The following ABCC4 variants were observed in gnomAD, a reference collection of about 807,000 sequenced individuals.
ABCC4 encodes the protein ATP binding cassette subfamily C member 4 (PEL blood group), also known as ATP-binding cassette sub-family C member 4.
In ABCC4, 102 loss-of-function variants were observed where a neutral mutation model predicts 168.5. The ratio of observed to expected loss-of-function variants is 0.61; its 90% confidence interval spans 0.52 to 0.71. The LOEUF (loss-of-function observed/expected upper bound fraction) is 0.71. Ranked by LOEUF, ABCC4 falls within the 30% of genes least tolerant of loss-of-function variation. The pLI is 0.00. For missense variants in ABCC4, 1,402 were observed against 1,605.8 expected, an observed-to-expected ratio of 0.87 and a Z score of 2.17; for synonymous variants, 617 against 590.7, an observed-to-expected ratio of 1.04 and a Z score of -0.65.
chr13:95,100,037 G>C (rs186321815), intron 20 of ABCC4, among the ~76,000 whole-genome samples: 80 of 152,256 alleles, frequency 5.3e-4, no homozygotes, highest in African/African-American at 1.8e-3. Context: ...AATCAATCAA[G>C]AATAGCATAG....
chr13:95,169,328 T>C (rs1360487445), intron 14 of ABCC4, among the ~76,000 whole-genome samples: 1 of 152,210 alleles, frequency 6.6e-6, no homozygotes, highest in East Asian at 1.9e-4. Context: ...AAATTACTTC[T>C]GCTGTAGCTC....
Position 95,301,138 on chromosome 13 carries a change from C to A in ABCC4, c.74+103G>T, listed in dbSNP as rs1233462369. The A allele has an allele frequency of 1.1e-5, 13 of 1,142,838 alleles. No individual in the cohort carries two copies. In the Admixed American group the frequency reaches 2.4e-4, roughly 21 times the overall value. 70.8% of individuals were successfully genotyped at this position (1,142,838 alleles called of 1,614,324 possible). A position where few individuals can be genotyped will look rare whatever the true frequency, so the allele number is the denominator to read the frequency against. On this transcript the variant is annotated intron_variant, in intron 1 of 30. Coordinates refer to ENST00000645237, the MANE Select transcript of ABCC4 (RefSeq NM_005845.5). The stretch of plus-strand genomic sequence containing the variant: ...TGGCGTAGGAAAGCGCTCCCCTCGC[C>A]CCCAGCCGCAGAGGGCTTGGGCAGC...
rs750572028 is a variant in ABCC4 at position 95,166,256 on chromosome 13, T to C, written c.1936A>G (p.Thr646Ala). 12 of 1,613,892 alleles carry C rather than the reference T, an allele frequency of 7.4e-6. No individual in the cohort carries two copies. The South Asian group carries it at 1.2e-4, about 16-fold the overall frequency. The change falls in exon 15 of 31, where the codon ACT (threonine) becomes GCT (alanine). Residue 646 changes from threonine (T) to alanine (A), a missense_variant. By Grantham distance (58) the Thr-to-Ala change is moderately conservative (BLOSUM62 0). Coordinates refer to ENST00000645237, the MANE Select transcript of ABCC4 (RefSeq NM_005845.5). Reference sequence around the variant, plus strand: ...AAGGTACGATTCCTTAGTGTGGGAGTTCCTGGAACTGGAGGTTGTTCACTT... The same window carrying C: ...AAGGTACGATTCCTTAGTGTGGGAGCTCCTGGAACTGGAGGTTGTTCACTT... ...EESEQPPVPG[T>A]PTLRNRTFSE...
chr13:95,295,773 G>A (rs556058337), intron 1 of ABCC4, among the ~76,000 whole-genome samples: 3 of 151,978 alleles, frequency 2.0e-5, no homozygotes, highest in East Asian at 1.9e-4. Context: ...GACCAGCCTG[G>A]CCAACATACT....
At chr13:95,028,582 A>T (rs1343637979) in intron 30 of ABCC4, among the ~76,000 whole-genome samples, 1 of 152,214 alleles carries the variant, frequency 6.6e-6, no homozygotes, top group African/African-American at 2.4e-5. Flanking sequence ...GAGTGAAAGC[A>T]CTACATATCA....
At chr13:95,295,906 G>T (rs1321195315) in intron 1 of ABCC4, among the ~76,000 whole-genome samples, 1 of 149,116 alleles carries the variant, frequency 6.7e-6, no homozygotes, top group Non-Finnish European at 1.5e-5. Flanking sequence ...GGCAGAGGTT[G>T]CAGTGAGCTG....
intron 19 of ABCC4, among the ~76,000 whole-genome samples, chr13:95,131,535 A>G (rs527253331): frequency 3.3e-5 from 5 of 152,214 alleles, no homozygotes; most frequent in Non-Finnish European, 5.9e-5. Context: ...AGGCTGAGGC[A>G]GAAGAATTGC....
chr13:95,260,508 A>ATAGTCG (rs1415621999), intron 1 of ABCC4, among the ~76,000 whole-genome samples: 1 of 152,148 alleles, frequency 6.6e-6, no homozygotes, highest in Admixed American at 6.5e-5. Context: ...GGGTATAGTC[A>ATAGTCG]GGTACCTGGG....
chr13:95,265,846 T>C (rs983890607), intron 1 of ABCC4, among the ~76,000 whole-genome samples: 9 of 151,896 alleles, frequency 5.9e-5, no homozygotes, highest in Admixed American at 5.2e-4. Context: ...GAAAATTAAA[T>C]ATGCTTACCC....
At chr13:95,212,580 C>G (rs77431831) in intron 4 of ABCC4, among the ~76,000 whole-genome samples, 2 of 152,164 alleles carry the variant, frequency 1.3e-5, no homozygotes, top group Non-Finnish European at 2.9e-5. Flanking sequence ...TTAGGTAAGA[C>G]AGCACAGATG....
At chr13:95,125,070 G>C (rs1200486768) in intron 19 of ABCC4, among the ~76,000 whole-genome samples, 1 of 151,916 alleles carries the variant, frequency 6.6e-6, no homozygotes, top group Non-Finnish European at 1.5e-5. Context: ...CTATGACACA[G>C]ATACTGTTCC....
chr13:95,281,284 C>T (rs969918331), intron 1 of ABCC4, among the ~76,000 whole-genome samples: 2 of 105,734 alleles, frequency 1.9e-5, no homozygotes, highest in African/African-American at 3.9e-5. Context: ...CACTCCTGGG[C>T]GACAGAGACT....
intron 19 of ABCC4, among the ~76,000 whole-genome samples, chr13:95,131,445 T>A (rs1257572868): frequency 2.0e-5 from 3 of 152,052 alleles, no homozygotes; most frequent in Admixed American, 2.0e-4. Flanking sequence ...CTGGCCAACA[T>A]GGTGAAACCC....
rs1421226121 is a variant in ABCC4, at chr13:95,071,794, T to C, written c.3078A>G (p.Glu1026=). Residue 1026 remains glutamate, a synonymous_variant, in exon 25 of 31, where the codon GAA becomes GAG. Coordinates refer to ENST00000645237, the MANE Select transcript of ABCC4 (RefSeq NM_005845.5). The part of the protein sequence containing the change: ...YTDLEKEAPW[E]YQKRPPPAWP... ...AGGCTGGTGGTGGGCGTTTCTGATA[T>C]TCCCAAGGTGCTTCTTTTTCAAGGT... is the stretch of plus-strand genomic sequence containing the variant. 1.9e-6 allele frequency: 3 copies of C among 1,604,786 alleles called. No individual in the cohort carries two copies.
At chr13:95,095,908 A>G (rs2034580376) in intron 20 of ABCC4, 1 of 364,746 alleles carries the variant, frequency 2.7e-6, no homozygotes, top group East Asian at 4.0e-5. Context: ...ACAAAAACCC[A>G]GAGTACTCAA....
chr13:95,083,782 C>T (rs910698248), intron 20 of ABCC4, among the ~76,000 whole-genome samples: 2 of 152,156 alleles, frequency 1.3e-5, no homozygotes, highest in Non-Finnish European at 1.5e-5. Flanking sequence ...CTCTGCCTCC[C>T]AAAGTGCTGG....
chr13:95,226,374 T>C (rs1036624412), intron 4 of ABCC4, among the ~76,000 whole-genome samples: 2 of 152,154 alleles, frequency 1.3e-5, no homozygotes, highest in Admixed American at 6.5e-5. Context: ...GAAGAAAGAA[T>C]AGATTCTATC....
chr13:95,029,176 A>ATCTATATC (rs1566355097), intron 30 of ABCC4, among the ~76,000 whole-genome samples: 1,165 of 51,006 alleles, frequency 0.023, 38 homozygotes, highest in Middle Eastern at 0.036. Context: ...ACATATATAT[A>ATCTATATC]TATATATATA....
intron 18 of ABCC4, 61 bp from the exon 19 acceptor site, chr13:95,161,396 G>T: frequency 7.5e-7 from 1 of 1,326,176 alleles, no homozygotes. Flanking sequence ...TTCAATAGTT[G>T]CTAAAGCAAG....
Sources: allele counts gnomAD v4.1 joint callset (sites outside exome capture counted in the v4.1 genomes callset), GRCh38; gene constraint gnomAD v4.1.1; transcripts MANE v1.5; gene names NCBI Gene and HGNC (gene_info 2026-07-23, HGNC 2026-07-21).